LIMCH1: variants seen among roughly 807,000 people sequenced by gnomAD.
LIMCH1 encodes the protein LIM and calponin homology domains-containing protein 1.
A neutral mutation model predicts 176.5 loss-of-function variants in LIMCH1; 113 were observed. The ratio of observed to expected loss-of-function variants is 0.64; its 90% confidence interval spans 0.55 to 0.75. LIMCH1 has a LOEUF of 0.75. Among genes scored for constraint, LIMCH1 ranks in the 30% least tolerant of loss-of-function variants. The pLI is 0.00. For synonymous variants in LIMCH1, 619 were observed against 645.9 expected (o/e 0.96, Z 0.63); for missense variants, 1,674 against 1,814.9 (o/e 0.92, Z 1.41).
At chr4:41,419,641 CCTTTCTT>C (rs1561311110) in intron 1 of LIMCH1, among the ~76,000 whole-genome samples, 2 of 80,000 alleles carry the variant, frequency 2.5e-5, no homozygotes, top group Admixed American at 1.3e-4. Flanking sequence ...CTTCCTCCTT[CCTTTCTT>C]CCTCCTTCCT....
chr4:41,520,228 C>A (rs1034575420), intron 2 of LIMCH1, among the ~76,000 whole-genome samples: 5 of 152,104 alleles, frequency 3.3e-5, no homozygotes, highest in Admixed American at 3.3e-4. Context: ...GCCATCTTGT[C>A]CCAGACCTCT....
chr4:41,400,418 G>T (rs1368504268), intron 1 of LIMCH1, among the ~76,000 whole-genome samples: 2 of 152,072 alleles, frequency 1.3e-5, no homozygotes, highest in Non-Finnish European at 2.9e-5. Context: ...GTCGGGGAAG[G>T]TATCTATTTT....
chr4:41,464,370 C>CTT (rs753362999), intron 1 of LIMCH1, among the ~76,000 whole-genome samples: 12 of 139,134 alleles, frequency 8.6e-5, no homozygotes, highest in Non-Finnish European at 9.3e-5. Flanking sequence ...TTCTTTTTTT[C>CTT]TTTTTTTTTT....
At chr4:41,402,647 TA>T (rs886957113) in intron 1 of LIMCH1, among the ~76,000 whole-genome samples, 9 of 141,848 alleles carry the variant, frequency 6.3e-5, no homozygotes, top group African/African-American at 2.5e-4. Context: ...TATGCAGCCA[TA>T]AAAAATGATG....
intron 1 of LIMCH1, among the ~76,000 whole-genome samples, chr4:41,593,249 C>A (rs2088001498): frequency 6.6e-6 from 1 of 152,138 alleles, no homozygotes; most frequent in Non-Finnish European, 1.5e-5. Context: ...GGCCCATGAA[C>A]AAGGAGGGTT....
At chr4:41,484,397 G>T (rs1466843438) in intron 1 of LIMCH1, among the ~76,000 whole-genome samples, 1 of 152,194 alleles carries the variant, frequency 6.6e-6, no homozygotes, top group Non-Finnish European at 1.5e-5. Flanking sequence ...TTACATGAGT[G>T]TGATCCATCA....
Position 41,680,948 on chromosome 4 carries a change from C to T in LIMCH1, c.3613-7C>T. 6.6e-7 allele frequency: 1 copy of T among 1,511,856 alleles called. No homozygotes were observed. Among genetic ancestry groups the T allele is most frequent in the Non-Finnish European group, 9.2e-7 (1 of 1,091,162 alleles). The allele number at this position is 1,511,856 out of a possible 1,614,324, so 93.7% of individuals were successfully genotyped here. On this transcript the variant is annotated splice_polypyrimidine_tract_variant and splice_region_variant and intron_variant, in intron 24 of 31. Coordinates refer to ENST00000503057, the MANE Select transcript of LIMCH1 (RefSeq NM_001330672.2). ...CCCCTTTCATCGATTCCTGTCCTTC[C>T]CCTTAGGAGCGTAAGATAATTGAAG...
In LIMCH1 at chr4:41,598,947, T is replaced by G; in HGVS notation, c.-213T>G. On this transcript the variant is annotated 5_prime_UTR_variant, in exon 2 of 32. Coordinates refer to ENST00000503057, the MANE Select transcript of LIMCH1 (RefSeq NM_001330672.2). ...CAATATTATCTTATTCTTGAGAGGT[T>G]GTAAAGAGCTCGGCCTTAAAGAATC... is the stretch of plus-strand genomic sequence containing the variant. The G allele has an allele frequency of 6.2e-7, 1 of 1,610,376 alleles. No individual in the cohort carries two copies. The highest frequency in any genetic ancestry group is 8.5e-7 in the Non-Finnish European group (1 of 1,176,848).
intron 1 of LIMCH1, among the ~76,000 whole-genome samples, chr4:41,444,421 A>G (rs547120870): frequency 1.3e-5 from 2 of 152,028 alleles, no homozygotes; most frequent in African/African-American, 4.8e-5. Flanking sequence ...CTGAAATACA[A>G]TTACAGAATA....
At chr4:41,360,057 G>GTGTGTGTGTGTGTGTT (rs1561113026), upstream of LIMCH1, among the ~76,000 whole-genome samples, 2 of 148,610 alleles carry the variant, frequency 1.3e-5, no homozygotes, top group African/African-American at 4.9e-5. The surrounding 1 kb of genome is among the most constrained non-coding windows in gnomAD (Gnocchi z 4.5). Context: ...GTGTGTGTGT[G>GTGTGTGTGTGTGTGTT]TTTCCATCTC....
At chr4:41,621,583 CCT>C (rs2092583453) in intron 7 of LIMCH1, among the ~76,000 whole-genome samples, 1 of 151,868 alleles carries the variant, frequency 6.6e-6, no homozygotes, top group Non-Finnish European at 1.5e-5. Context: ...CTCACTGCAA[CCT>C]CTGCTTCCCA....
chr4:41,663,899 G>A (rs1187680206), intron 20 of LIMCH1, among the ~76,000 whole-genome samples: 1 of 146,794 alleles, frequency 6.8e-6, no homozygotes, highest in Non-Finnish European at 1.5e-5. Context: ...TAGTTAGCCA[G>A]GCATGGTGGT....
At chr4:41,454,942 G>A (rs947343478) in intron 1 of LIMCH1, among the ~76,000 whole-genome samples, 1 of 89,100 alleles carries the variant, frequency 1.1e-5, no homozygotes, top group Admixed American at 1.1e-4. Context: ...ATGCGTACAT[G>A]TGTGTGTGTG....
intron 1 of LIMCH1, among the ~76,000 whole-genome samples, chr4:41,451,282 A>AT (rs751182247): frequency 0.022 from 3,013 of 139,788 alleles, 67 homozygotes; most frequent in African/African-American, 0.066. Context: ...CGCCTGGCTA[A>AT]TTTTTTTTTT....
chr4:41,561,302 T>C (rs898780655), intron 1 of LIMCH1, among the ~76,000 whole-genome samples: 4 of 152,244 alleles, frequency 2.6e-5, no homozygotes, highest in East Asian at 3.9e-4. Context: ...CTGTATTTTT[T>C]TCCCCCTCCA....
Position 41,644,558 on chromosome 4 carries a change from A to C in LIMCH1, c.2185A>C (p.Arg729=), listed in dbSNP as rs1336209849. The C allele has an allele frequency of 6.2e-7, 1 of 1,607,210 alleles. No individual in the cohort carries two copies. The highest frequency in any genetic ancestry group is 8.5e-7 in the Non-Finnish European group (1 of 1,177,022). Residue 729 remains arginine (R), a synonymous_variant, in exon 15 of 32, where the codon AGG becomes CGG. Coordinates refer to ENST00000503057, the MANE Select transcript of LIMCH1 (RefSeq NM_001330672.2). ...GGAGGCCGCGGTGCAGCCGCACAGC[A>C]GGGCCCGCCAGGAGCAGCTGCAGCT... The part of the protein sequence containing the change: ...EEEAAVQPHS[R]ARQEQLQLIN...
intron 2 of LIMCH1, among the ~76,000 whole-genome samples, chr4:41,505,956 A>T (rs531890073): frequency 6.6e-6 from 1 of 150,590 alleles, no homozygotes; most frequent in East Asian, 1.9e-4. Flanking sequence ...ACACACACAC[A>T]CACACACACA....
At chr4:41,409,014 T>C (rs2059241469) in intron 1 of LIMCH1, among the ~76,000 whole-genome samples, 1 of 152,204 alleles carries the variant, frequency 6.6e-6, no homozygotes, top group South Asian at 2.1e-4. Flanking sequence ...TGAAGTAGTT[T>C]ATAAAATTTG....
Position 41,661,478 on chromosome 4 carries a change from CAAG to C in LIMCH1, c.3098_3100del (p.Arg1033del). 6.2e-7 allele frequency: 1 copy of C among 1,611,746 alleles called. No individual in the cohort carries two copies. Among genetic ancestry groups the C allele is most frequent in the South Asian group, 1.1e-5 (1 of 90,908 alleles). On this transcript the variant is annotated inframe_deletion, in exon 19 of 32. Transcript: ENST00000503057. ...GAGGACAAGAATGATGGTGGAAAAT[CAAG>C]AAAAGGGAATATAGAACTTGCCTCA...
Sources: gnomAD v4.1 joint callset for allele counts (sites outside exome capture counted in the v4.1 genomes callset) on GRCh38, gnomAD v4.1.1 for gene constraint, Gnocchi (gnomAD v3.1) non-coding constraint, MANE v1.5 for transcripts, NCBI Gene and HGNC (gene_info 2026-07-23, HGNC 2026-07-21) for gene names.